Variants in BCAT1 observed in about 807,000 individuals in gnomAD.
The protein encoded by BCAT1 is branched chain amino acid transaminase 1, also known as branched-chain-amino-acid aminotransferase, cytosolic.
Under a neutral mutation model 52.4 loss-of-function variants are expected in BCAT1, and 48 were observed. The observed-to-expected ratio is 0.92, with a 90% CI of 0.73 to 1.16. The LOEUF is 1.16. Ranked by LOEUF, BCAT1 falls within the 50% of genes most tolerant of loss-of-function variation. The probability of loss-of-function intolerance (pLI) is 0.00; values close to 1 mark genes in which losing one functional copy is unlikely to be tolerated. For synonymous variants in BCAT1, 167 were observed against 161.3 expected, an observed-to-expected ratio of 1.04 and a Z score of -0.27; for missense variants, 451 against 457.1, an observed-to-expected ratio of 0.99 and a Z score of 0.12.
intron 6 of BCAT1, 73 bp downstream of exon 6, chr12:24,849,713 C>A: frequency 6.9e-7 from 1 of 1,447,294 alleles, no homozygotes. Flanking sequence ...TGTGTTCATA[C>A]TGAAGTGAAA....
intron 1 of BCAT1, among the ~76,000 whole-genome samples, chr12:24,907,437 T>G (rs191707999): frequency 6.6e-6 from 1 of 152,348 alleles, no homozygotes; most frequent in East Asian, 1.9e-4. Flanking sequence ...ATATCCCCTG[T>G]GACCTGCACG....
At chr12:24,907,201 C>G (rs1038120870) in intron 1 of BCAT1, among the ~76,000 whole-genome samples, 1 of 152,200 alleles carries the variant, frequency 6.6e-6, no homozygotes. Context: ...CTGCCTTTGC[C>G]AGGCACTGTC....
Position 24,900,575 on chromosome 12 carries a change from A to C in BCAT1, c.78+1239T>G, listed in dbSNP as rs533386592. On this transcript the variant is annotated intron_variant, in intron 2 of 10. Transcript: ENST00000261192. Reference sequence around the variant, plus strand: ...TGCACTTCAGTCTGGGCAACAGAACAAGACTCTGTCTCAAAAAAAAGAAAA... The same window carrying C: ...TGCACTTCAGTCTGGGCAACAGAACCAGACTCTGTCTCAAAAAAAAGAAAA... 7.9e-5 allele frequency among the ~76,000 whole-genome samples: 12 copies of C among 152,284 alleles called. No individual in the cohort carries two copies. The South Asian group carries it at 2.5e-3, about 32-fold the overall frequency.
At chr12:24,873,544 T>C (rs1240942501) in intron 5 of BCAT1, among the ~76,000 whole-genome samples, 1 of 152,232 alleles carries the variant, frequency 6.6e-6, no homozygotes, top group Non-Finnish European at 1.5e-5. Flanking sequence ...ATTATGTATT[T>C]ATGTATTATA....
intron 10 of BCAT1, among the ~76,000 whole-genome samples, chr12:24,820,637 T>C (rs1366653348): frequency 6.6e-6 from 1 of 152,142 alleles, no homozygotes; most frequent in Non-Finnish European, 1.5e-5. Context: ...GAATCAGAGA[T>C]GGTGTCAAAG....
intron 1 of BCAT1, among the ~76,000 whole-genome samples, chr12:24,913,612 G>A (rs891160246): frequency 6.6e-6 from 1 of 152,200 alleles, no homozygotes. Flanking sequence ...AACAGACAAT[G>A]CCCAGGCCAA....
At position 24,826,703 on chromosome 12, in the gene BCAT1, T is replaced by C. The variant is rs117771144; in HGVS notation, c.1119+3120A>G. Reference sequence around the variant, plus strand: ...CATCAGTATTTTAATAGGGATTGCATTGAATCTGTAAATTGCTTTGTGTAG... The same window carrying C: ...CATCAGTATTTTAATAGGGATTGCACTGAATCTGTAAATTGCTTTGTGTAG... On this transcript the variant is annotated intron_variant, in intron 10 of 10. Coordinates refer to ENST00000261192, the MANE Select transcript of BCAT1 (RefSeq NM_005504.7). 1.6e-3 allele frequency among the ~76,000 whole-genome samples: 249 copies of C among 152,342 alleles called. 1 individual carries two copies. The highest frequency in any genetic ancestry group is 0.012 in the South Asian group (60 of 4,828).
chr12:24,948,968 G>T lies in BCAT1; in HGVS notation c.-36C>A, dbSNP rs550342633. On this transcript the variant is annotated 5_prime_UTR_variant, in exon 1 of 11. Transcript: ENST00000261192. Reference sequence around the variant, plus strand: ...GCCACGAGGGAAGCTCGAGCTGAGCGGAGGGCAGATCCCAAGGGTCGTAGC... The same window carrying T: ...GCCACGAGGGAAGCTCGAGCTGAGCTGAGGGCAGATCCCAAGGGTCGTAGC... 6.3e-7 allele frequency: 1 copy of T among 1,585,820 alleles called. No homozygotes were observed. The highest frequency in any genetic ancestry group is 2.3e-5 in the East Asian group (1 of 43,650).
intron 8 of BCAT1, among the ~76,000 whole-genome samples, chr12:24,835,045 T>C (rs746238966): frequency 2.0e-5 from 3 of 152,254 alleles, no homozygotes; most frequent in Non-Finnish European, 2.9e-5. Context: ...AAATCATTAG[T>C]GTGGGAAAGT....
At chr12:24,854,885 T>C (rs1299802488) in intron 5 of BCAT1, among the ~76,000 whole-genome samples, 1 of 151,882 alleles carries the variant, frequency 6.6e-6, no homozygotes, top group Non-Finnish European at 1.5e-5. Flanking sequence ...ATCTCCTTAC[T>C]TTAAGAGAGT....
chr12:24,903,581 C>T, intron 1 of BCAT1: 1 of 152,232 alleles, frequency 6.6e-6, no homozygotes, highest in Non-Finnish European at 1.5e-5. Flanking sequence ...CCTACCCAAA[C>T]CGAATTTGTA....
intron 3 of BCAT1, among the ~76,000 whole-genome samples, chr12:24,887,080 A>AAAAAAAAAAATATATATATATATATATAT (rs1245203518): frequency 2.5e-5 from 1 of 40,748 alleles, no homozygotes; most frequent in African/African-American, 7.7e-5. Context: ...AAAAAAAAAA[A>AAAAAAAAAAATATATATATATATATATAT]ATATATATAT....
chr12:24,914,757 T>C (rs1360751136), intron 1 of BCAT1, among the ~76,000 whole-genome samples: 4 of 152,236 alleles, frequency 2.6e-5, no homozygotes, highest in Admixed American at 2.6e-4. Context: ...TCATTATTTC[T>C]TCCAAAGTTT....
intron 10 of BCAT1, among the ~76,000 whole-genome samples, chr12:24,828,597 G>T (rs1479733743): frequency 6.6e-6 from 1 of 152,046 alleles, no homozygotes; most frequent in East Asian, 1.9e-4. Context: ...CTTTATAAAT[G>T]GTGTTGGAGA....
chr12:24,861,100 G>A (rs979002176), intron 5 of BCAT1, among the ~76,000 whole-genome samples: 2 of 152,182 alleles, frequency 1.3e-5, no homozygotes, highest in African/African-American at 4.8e-5. Context: ...TTATGTTTCA[G>A]AAACTATGGT....
intron 1 of BCAT1, chr12:24,904,573 G>T (rs902163754): frequency 3.9e-5 from 6 of 152,214 alleles, no homozygotes; most frequent in Non-Finnish European, 8.8e-5. Flanking sequence ...CCTAAATAAG[G>T]TCTCTAATAG....
intron 5 of BCAT1, among the ~76,000 whole-genome samples, chr12:24,854,993 G>A (rs1941629755): frequency 6.6e-6 from 1 of 152,058 alleles, no homozygotes; most frequent in African/African-American, 2.4e-5. Context: ...CCCCGCCCCT[G>A]AGCATAAAAA....
chr12:24,866,589 T>C (rs1051690210), intron 5 of BCAT1, among the ~76,000 whole-genome samples: 9 of 152,214 alleles, frequency 5.9e-5, no homozygotes, highest in Non-Finnish European at 1.3e-4. Context: ...TTGGAGAATC[T>C]TTACGTCTGG....
Position 24,830,515 on chromosome 12 carries a change from C to T in BCAT1, c.1045-618G>A, listed in dbSNP as rs553774870. The T allele has an allele frequency of 9.2e-5, 14 of 152,350 alleles. 1 individual carries two copies. The highest frequency in any genetic ancestry group is 3.4e-4 in the African/African-American group (14 of 41,590). The allele number at this position is 152,350 out of a possible 1,614,324, so 9.4% of individuals were successfully genotyped here. A position where few individuals can be genotyped will look rare whatever the true frequency, so the allele number is the denominator to read the frequency against. On this transcript the variant is annotated intron_variant, in intron 9 of 10. Transcript: ENST00000261192. ...AATTTGTATCTGAGTCATGCCTACT[C>T]ATGCCTTGCTGGCTTGCAGGTTTTG...
Sources: gnomAD v4.1 joint callset for allele counts (sites outside exome capture counted in the v4.1 genomes callset) on GRCh38, gnomAD v4.1.1 for gene constraint, MANE v1.5 for transcripts, NCBI Gene and HGNC (gene_info 2026-07-23, HGNC 2026-07-21) for gene names.